TENM2: variants seen among roughly 807,000 people sequenced by gnomAD.
TENM2 encodes teneurin transmembrane protein 2.
TENM2 carries 52 observed loss-of-function variants against 245.2 expected under a neutral mutation model. That is an observed-to-expected ratio of 0.21 (90% CI 0.17 to 0.27). The LOEUF is 0.27. Among genes scored for constraint, TENM2 ranks in the 10% least tolerant of loss-of-function variants. The probability of loss-of-function intolerance (pLI) is 1.00; values close to 1 mark genes in which losing one functional copy is unlikely to be tolerated. For synonymous variants in TENM2, 1,363 were observed against 1,438.9 expected (o/e 0.95, Z 1.19); for missense variants, 3,046 against 3,666.8 (o/e 0.83, Z 4.37).
chr5:167,951,441 G>A (rs937009690), intron 3 of TENM2, among the ~76,000 whole-genome samples: 4 of 152,222 alleles, frequency 2.6e-5, no homozygotes, highest in East Asian at 1.9e-4. Flanking sequence ...AGGCTTCATC[G>A]CATAGCAAAC....
the TENM2 span, among the ~76,000 whole-genome samples, chr5:167,122,864 G>A: frequency 6.6e-6 from 1 of 152,166 alleles, no homozygotes; most frequent in African/African-American, 2.4e-5. Flanking sequence ...AAAGGTGTGA[G>A]CTGTACCTGT....
intron 13 of TENM2, chr5:168,166,079 A>G (rs1168242123): frequency 1.3e-5 from 2 of 152,090 alleles, no homozygotes; most frequent in African/African-American, 4.8e-5. Context: ...CAGCACACTA[A>G]TTATATCACT....
rs59226163 is a variant in TENM2 at position 167,488,146 on chromosome 5, T to C, written c.502+112673T>C. On this transcript the variant is annotated intron_variant, in intron 2 of 28. Transcript: ENST00000518659. ...TACTGTTTCTCTCCTTCATCATAAA[T>C]TATTCTGTCTTTCTTGGATCTTAAC... is the stretch of plus-strand genomic sequence containing the variant. Among the ~76,000 whole-genome samples the C allele has an allele frequency of 0.014, 2,139 of 152,260 alleles. 115 individuals are homozygous for C. In the East Asian group the frequency reaches 0.21, roughly 15 times the overall value.
chr5:167,596,630 AC>A (rs1182907675), intron 2 of TENM2, among the ~76,000 whole-genome samples: 3 of 152,160 alleles, frequency 2.0e-5, no homozygotes, highest in African/African-American at 7.2e-5. Flanking sequence ...CCCCGTCTGT[AC>A]TAAAAACACA....
At chr5:167,679,987 C>T (rs1437787709) in intron 2 of TENM2, among the ~76,000 whole-genome samples, 1 of 152,058 alleles carries the variant, frequency 6.6e-6, no homozygotes, top group African/African-American at 2.4e-5. Flanking sequence ...GGTTAAGTGT[C>T]ATCAGTCTGT....
At chr5:167,444,430 T>A (rs1466531171) in intron 2 of TENM2, among the ~76,000 whole-genome samples, 1 of 152,122 alleles carries the variant, frequency 6.6e-6, no homozygotes, top group African/African-American at 2.4e-5. Flanking sequence ...TAAAAGTCAG[T>A]ATAAAACTAA....
At chr5:167,929,270 G>A (rs959630180) in intron 3 of TENM2, among the ~76,000 whole-genome samples, 2 of 151,892 alleles carry the variant, frequency 1.3e-5, no homozygotes, top group African/African-American at 2.4e-5. Context: ...AGGAAGGAAG[G>A]GAGGGAGGGT....
intron 1 of TENM2, among the ~76,000 whole-genome samples, chr5:167,326,314 A>C (rs1757073539): frequency 6.6e-6 from 1 of 152,186 alleles, no homozygotes; most frequent in Non-Finnish European, 1.5e-5. Flanking sequence ...ATGGAAGTAC[A>C]TCTACTTTGT....
Position 168,218,288 on chromosome 5 carries a change from G to A in TENM2, c.4397G>A (p.Ser1466Asn). The change falls in exon 23 of 29, where the codon AGC (serine) becomes AAC (asparagine). Residue 1466 changes from serine (S) to asparagine (N), a missense_variant. Transcript: ENST00000518659. The surrounding 1 kb of genome is among the most constrained non-coding windows in gnomAD (Gnocchi z 5.2). ...GTTCCTGGCATTGACTACTCACTCA[G>A]CAAACTAGCCATTCACTCTGCCCTG... 6.2e-7 allele frequency: 1 copy of A among 1,613,654 alleles called. No homozygotes were observed. The highest frequency in any genetic ancestry group is 8.5e-7 in the Non-Finnish European group (1 of 1,179,856).
chr5:167,859,353 G>C (rs1583205976), intron 2 of TENM2, among the ~76,000 whole-genome samples: 3 of 145,224 alleles, frequency 2.1e-5, no homozygotes, highest in African/African-American at 2.5e-5. Flanking sequence ...TCTCCGCCCG[G>C]CAGCCACCCC....
chr5:167,188,153 A>G, the TENM2 span, among the ~76,000 whole-genome samples: 5,128 of 152,258 alleles, frequency 0.034, 292 homozygotes, highest in African/African-American at 0.12. Context: ...TCCCTAATGC[A>G]CTATAGCCCA....
At chr5:168,050,245 G>C (rs1788958200) in intron 6 of TENM2, among the ~76,000 whole-genome samples, 1 of 152,152 alleles carries the variant, frequency 6.6e-6, no homozygotes, top group Non-Finnish European at 1.5e-5. Context: ...TTCTTAAGTG[G>C]TTTTAAGGTT....
At chr5:167,048,803 C>A in the TENM2 span, among the ~76,000 whole-genome samples, 9 of 152,036 alleles carry the variant, frequency 5.9e-5, no homozygotes, top group East Asian at 1.7e-3. Flanking sequence ...ATAAATCCTC[C>A]CAAGAAAATT....
At chr5:167,232,347 C>T in the TENM2 span, among the ~76,000 whole-genome samples, 1 of 151,650 alleles carries the variant, frequency 6.6e-6, no homozygotes, top group African/African-American at 2.4e-5. Flanking sequence ...TAACAAGCAA[C>T]TGTGAGTCCA....
At chr5:167,690,511 AG>A (rs1348520429) in intron 2 of TENM2, among the ~76,000 whole-genome samples, 1 of 152,166 alleles carries the variant, frequency 6.6e-6, no homozygotes, top group African/African-American at 2.4e-5. Context: ...CATCCTGAAA[AG>A]GGCACTGAAC....
the TENM2 span, among the ~76,000 whole-genome samples, chr5:167,137,850 T>C: frequency 6.6e-6 from 1 of 152,206 alleles, no homozygotes; most frequent in Admixed American, 6.5e-5. Context: ...TAAATTAGAA[T>C]CTTTCATTAA....
chr5:168,027,185 G>A (rs910050951), intron 5 of TENM2, among the ~76,000 whole-genome samples: 1 of 152,052 alleles, frequency 6.6e-6, no homozygotes, highest in Non-Finnish European at 1.5e-5. Flanking sequence ...GTCACCCACT[G>A]AGACTTGACT....
intron 3 of TENM2, among the ~76,000 whole-genome samples, chr5:167,906,574 G>A (rs1316831379): frequency 6.6e-6 from 1 of 152,056 alleles, no homozygotes; most frequent in African/African-American, 2.4e-5. Context: ...ACCCACTCTG[G>A]CCTCAGCCTG....
At chr5:167,066,052 C>T in the TENM2 span, among the ~76,000 whole-genome samples, 22 of 152,094 alleles carry the variant, frequency 1.4e-4, no homozygotes, top group Admixed American at 1.0e-3. Context: ...TTGAATAACT[C>T]TCCCTGGGTG....
Sources: allele counts gnomAD v4.1 joint callset (sites outside exome capture counted in the v4.1 genomes callset), GRCh38; gene constraint gnomAD v4.1.1; non-coding constraint Gnocchi (gnomAD v3.1); transcripts MANE v1.5; gene names NCBI Gene and HGNC (gene_info 2026-07-23, HGNC 2026-07-21).